The following SPMIP6 variants were observed in gnomAD, a reference collection of about 807,000 sequenced individuals.
The protein encoded by SPMIP6 is sperm microtubule inner protein 6, also known as ciliated bronchial epithelial protein 1.
the SPMIP6 span, chr9:34,382,853 T>C: frequency 2.5e-6 from 4 of 1,613,398 alleles, no homozygotes; most frequent in African/African-American, 1.3e-5. Context: ...CCAGGTAGTT[T>C]GGGCTGCATT....
the SPMIP6 span, chr9:34,385,898 C>T: frequency 2.1e-6 from 2 of 963,014 alleles, no homozygotes; most frequent in Non-Finnish European, 3.1e-6. Flanking sequence ...TCTCCCAACC[C>T]CCCTCCCCAT....
At chr9:34,382,768 G>T in the SPMIP6 span, 1 of 1,613,590 alleles carries the variant, frequency 6.2e-7, no homozygotes, top group Non-Finnish European at 8.5e-7. Context: ...GGCAGCCGAG[G>T]AAGGTAGGTG....
At chr9:34,395,054 C>T in the SPMIP6 span, among the ~76,000 whole-genome samples, 3 of 151,628 alleles carry the variant, frequency 2.0e-5, no homozygotes, top group African/African-American at 7.3e-5. Context: ...CAGCCTCAAC[C>T]TCCTGGGCTC....
the SPMIP6 span, among the ~76,000 whole-genome samples, chr9:34,386,422 C>T: frequency 5.3e-5 from 8 of 151,956 alleles, no homozygotes; most frequent in Admixed American, 1.3e-4. Context: ...GGTGAAATCC[C>T]GTCTCTACTA....
chr9:34,390,282 T>C, the SPMIP6 span, among the ~76,000 whole-genome samples: 79 of 152,300 alleles, frequency 5.2e-4, 1 homozygote, highest in African/African-American at 1.7e-3. Flanking sequence ...TTTGTATATA[T>C]TTTTTATCAG....
the SPMIP6 span, among the ~76,000 whole-genome samples, chr9:34,383,510 C>T: frequency 6.6e-6 from 1 of 152,208 alleles, no homozygotes; most frequent in African/African-American, 2.4e-5. Flanking sequence ...GGTGACAGAT[C>T]AAGACTCAGT....
the SPMIP6 span, among the ~76,000 whole-genome samples, chr9:34,394,409 C>G: frequency 6.6e-6 from 1 of 152,158 alleles, no homozygotes; most frequent in Non-Finnish European, 1.5e-5. Context: ...CCCACCTCGG[C>G]CTCCCAAAGT....
chr9:34,396,492 T>A, the SPMIP6 span, among the ~76,000 whole-genome samples: 1 of 152,142 alleles, frequency 6.6e-6, no homozygotes, highest in African/African-American at 2.4e-5. Context: ...TAACTCACAA[T>A]TGAACCATGA....
At chr9:34,388,932 CTTTTTTTTTT>C in the SPMIP6 span, among the ~76,000 whole-genome samples, 1 of 109,818 alleles carries the variant, frequency 9.1e-6, no homozygotes, top group African/African-American at 3.6e-5. Context: ...CTCTCTCTTT[CTTTTTTTTTT>C]TTTTTTTTTG....
chr9:34,397,668 C>A, the SPMIP6 span: 1 of 1,544,976 alleles, frequency 6.5e-7, no homozygotes, highest in South Asian at 1.3e-5. Flanking sequence ...TGGGCTCTAC[C>A]TGTCAAGGGC....
the SPMIP6 span, chr9:34,382,722 C>T: frequency 6.9e-7 from 1 of 1,454,626 alleles, no homozygotes; most frequent in Non-Finnish European, 9.7e-7. Context: ...GTGTCCCAGT[C>T]CCCAGACGTC....
the SPMIP6 span, among the ~76,000 whole-genome samples, chr9:34,396,757 C>T: frequency 2.6e-5 from 4 of 152,202 alleles, no homozygotes. Flanking sequence ...CTTTCTGGCT[C>T]TCCACCTCTG....
At chr9:34,397,219 C>T in the SPMIP6 span, among the ~76,000 whole-genome samples, 1 of 152,138 alleles carries the variant, frequency 6.6e-6, no homozygotes, top group Non-Finnish European at 1.5e-5. Flanking sequence ...TTTCCATTTC[C>T]ACTTCCACTA....
the SPMIP6 span, among the ~76,000 whole-genome samples, chr9:34,394,476 C>CTGTT: frequency 2.0e-5 from 3 of 151,962 alleles, no homozygotes; most frequent in Non-Finnish European, 1.5e-5. Flanking sequence ...TATTATTTAA[C>CTGTT]TGTTAATTCT....
the SPMIP6 span, among the ~76,000 whole-genome samples, chr9:34,384,297 GC>G: frequency 6.6e-6 from 1 of 152,198 alleles, no homozygotes; most frequent in African/African-American, 2.4e-5. Flanking sequence ...AAATCAAATG[GC>G]CTTGGAGGAG....
chr9:34,381,620 C>T, the SPMIP6 span: 1 of 1,433,288 alleles, frequency 7.0e-7, no homozygotes, highest in South Asian at 1.4e-5. This position sits in a 1 kb window ranked among gnomAD's most constrained non-coding sequence, Gnocchi z 4.4. Context: ...GCTTTTACAT[C>T]GCCAACAGGG....
chr9:34,396,345 A>G, the SPMIP6 span, among the ~76,000 whole-genome samples: 1 of 152,196 alleles, frequency 6.6e-6, no homozygotes, highest in South Asian at 2.1e-4. Flanking sequence ...TCTCCTATTC[A>G]ACGAATTCCT....
chr9:34,381,035 C>T, the SPMIP6 span: 1 of 1,611,670 alleles, frequency 6.2e-7, no homozygotes, highest in South Asian at 1.1e-5. This position sits in a 1 kb window ranked among gnomAD's most constrained non-coding sequence, Gnocchi z 4.4. Context: ...GGGCAGGCGG[C>T]CGGGCAGCGG....
chr9:34,391,683 TG>T, the SPMIP6 span, among the ~76,000 whole-genome samples: 7 of 152,338 alleles, frequency 4.6e-5, no homozygotes, highest in East Asian at 1.9e-4. Flanking sequence ...GTTATCTTTT[TG>T]TTGTTGATCT....
Sources: gnomAD v4.1 joint callset for allele counts (sites outside exome capture counted in the v4.1 genomes callset) on GRCh38, gnomAD v4.1.1 for gene constraint, Gnocchi (gnomAD v3.1) non-coding constraint, MANE v1.5 for transcripts, NCBI Gene and HGNC (gene_info 2026-07-23, HGNC 2026-07-21) for gene names.